The following SMAD6 variants were observed in gnomAD, a reference collection of about 807,000 sequenced individuals.
SMAD6 encodes the protein MAD homolog 6.
Under a neutral mutation model 39.4 loss-of-function variants are expected in SMAD6, and 103 were observed. The observed-to-expected ratio is 2.62, with a 90% CI of 2.23 to 3.08. SMAD6 has a LOEUF of 3.08. Among genes scored for constraint, SMAD6 ranks in the 30% most tolerant of loss-of-function variants. The pLI is 0.00. For missense variants in SMAD6, 1,104 were observed against 742.9 expected (o/e 1.49, Z -5.65); for synonymous variants, 445 against 353.3 (o/e 1.26, Z -2.91).
At chr15:66,728,494 C>T (rs1893564021) in intron 3 of SMAD6, among the ~76,000 whole-genome samples, 1 of 151,864 alleles carries the variant, frequency 6.6e-6, no homozygotes, top group Non-Finnish European at 1.5e-5. Flanking sequence ...GCAACCTCTG[C>T]CTCCCAGGTT....
intron 3 of SMAD6, among the ~76,000 whole-genome samples, chr15:66,720,629 T>A (rs1893416142): frequency 6.6e-6 from 1 of 152,218 alleles, no homozygotes; most frequent in Non-Finnish European, 1.5e-5. Flanking sequence ...AAGCATCCTG[T>A]CCCTCCATTT....
intron 3 of SMAD6, among the ~76,000 whole-genome samples, chr15:66,731,847 G>A (rs535386847): frequency 2.6e-5 from 4 of 152,074 alleles, no homozygotes; most frequent in Admixed American, 6.5e-5. Context: ...CAGTATATGA[G>A]AATTCTAGTT....
At chr15:66,763,174 A>G (rs546030616) in intron 3 of SMAD6, among the ~76,000 whole-genome samples, 149 of 152,326 alleles carry the variant, frequency 9.8e-4, no homozygotes, top group African/African-American at 3.5e-3. Flanking sequence ...GTGGAGGGGA[A>G]AAGAGCAATC....
chr15:66,703,418 G>A lies in SMAD6; in HGVS notation c.160G>A (p.Gly54Ser). The change falls in exon 1 of 4, where the codon GGC becomes AGC. Residue 54 changes from glycine (G) to serine (S), a missense_variant. Gly to Ser is a moderately conservative substitution (Grantham distance 56). Transcript: ENST00000288840. ...EPAPRAREGG[G>S]CGRSEVRPVA... is the part of the protein sequence containing the mutation. ...GGCCCCGCGGGCAAGAGAGGGCGGA[G>A]GCTGCGGCCGCTCCGAAGTCCGCCC... 7.6e-7 allele frequency: 1 copy of A among 1,318,550 alleles called. No individual in the cohort carries two copies. Among genetic ancestry groups the A allele is most frequent in the Non-Finnish European group, 9.7e-7 (1 of 1,032,112 alleles). 81.7% of individuals were successfully genotyped at this position (1,318,550 alleles called of 1,614,324 possible).
intron 3 of SMAD6, among the ~76,000 whole-genome samples, chr15:66,752,621 CA>C (rs913510098): frequency 7.5e-5 from 11 of 147,304 alleles, no homozygotes; most frequent in East Asian, 2.0e-4. Flanking sequence ...CCTGTCTCTA[CA>C]AAAAAAAAAT....
At chr15:66,763,621 C>T (rs1435436057) in intron 3 of SMAD6, among the ~76,000 whole-genome samples, 1 of 152,260 alleles carries the variant, frequency 6.6e-6, no homozygotes, top group African/African-American at 2.4e-5. Context: ...CCACTCCACA[C>T]TCCCCAGCTT....
intron 3 of SMAD6, among the ~76,000 whole-genome samples, chr15:66,726,888 C>T (rs1893530488): frequency 6.6e-6 from 1 of 151,300 alleles, no homozygotes; most frequent in Non-Finnish European, 1.5e-5. Flanking sequence ...TTTTTAAATT[C>T]CCCAGGTGAC....
intron 3 of SMAD6, among the ~76,000 whole-genome samples, chr15:66,724,854 T>C (rs547999226): frequency 2.0e-4 from 30 of 152,208 alleles, no homozygotes; most frequent in Non-Finnish European, 3.8e-4. Context: ...GTCGGGTGCC[T>C]GTCCAGGGCT....
At chr15:66,742,256 C>T (rs142013464) in intron 3 of SMAD6, among the ~76,000 whole-genome samples, 2 of 152,322 alleles carry the variant, frequency 1.3e-5, no homozygotes, top group East Asian at 3.9e-4. Flanking sequence ...TGGGAGTCAG[C>T]ATCCCCTCAC....
chr15:66,758,609 T>C (rs1253330443), intron 3 of SMAD6, among the ~76,000 whole-genome samples: 1 of 151,934 alleles, frequency 6.6e-6, no homozygotes, highest in Non-Finnish European at 1.5e-5. Context: ...GCATGTATAG[T>C]CCCAGGTACT....
intron 1 of SMAD6, chr15:66,704,409 G>A (rs899017210): frequency 3.0e-5 from 7 of 229,988 alleles, no homozygotes; most frequent in African/African-American, 9.0e-5. Flanking sequence ...AAAGAAGTAG[G>A]TGCTATTTCC....
At chr15:66,732,257 C>A (rs902443995) in intron 3 of SMAD6, among the ~76,000 whole-genome samples, 2 of 152,106 alleles carry the variant, frequency 1.3e-5, no homozygotes, top group African/African-American at 4.8e-5. Context: ...TTTTAAATCA[C>A]CTTCCTAATG....
At chr15:66,770,336 A>G (rs562523154) in intron 3 of SMAD6, among the ~76,000 whole-genome samples, 16 of 152,268 alleles carry the variant, frequency 1.1e-4, no homozygotes, top group Admixed American at 7.8e-4. Context: ...AGCCTGATGT[A>G]AGAACCGGCG....
rs1893025235 is a variant in SMAD6, at chr15:66,703,475, G to A, written c.217G>A (p.Gly73Arg). ...VAPRRPRDAV[G>R]QRGAQGAGRR... ...CCCGCGGCGGCCCCGGGACGCAGTG[G>A]GACAGCGAGGCGCCCAGGGCGCGGG... is the stretch of plus-strand genomic sequence containing the variant. The change falls in exon 1 of 4, where the codon GGA becomes AGA. Residue 73 changes from glycine to arginine, a missense_variant. Transcript: ENST00000288840. 1 of 1,240,886 alleles carries A rather than the reference G, an allele frequency of 8.1e-7. No individual in the cohort carries two copies. Among genetic ancestry groups the A allele is most frequent in the Non-Finnish European group, 1.0e-6 (1 of 988,360 alleles). The allele number at this position is 1,240,886 out of a possible 1,614,324, so 76.9% of individuals were successfully genotyped here.
chr15:66,759,507 T>A (rs556655049), intron 3 of SMAD6, among the ~76,000 whole-genome samples: 1 of 152,360 alleles, frequency 6.6e-6, no homozygotes, highest in South Asian at 2.1e-4. Context: ...GTACCCAGTA[T>A]GTATGGGCAC....
At chr15:66,710,345 A>G (rs554767028) in intron 1 of SMAD6, among the ~76,000 whole-genome samples, 1 of 152,334 alleles carries the variant, frequency 6.6e-6, no homozygotes, top group South Asian at 2.1e-4. Context: ...CGTCTCTCTC[A>G]GTGGCTACTC....
chr15:66,776,097 T>C (rs1404038161), intron 3 of SMAD6, among the ~76,000 whole-genome samples: 1 of 152,232 alleles, frequency 6.6e-6, no homozygotes, highest in Non-Finnish European at 1.5e-5. Flanking sequence ...TTCAGACATT[T>C]GTTGCTTCAT....
intron 3 of SMAD6, chr15:66,717,414 A>G (rs1893351220): frequency 2.2e-6 from 1 of 455,874 alleles, no homozygotes; most frequent in African/African-American, 2.0e-5. Flanking sequence ...TGGCCGCTTT[A>G]TATGCATTCT....
In SMAD6 at chr15:66,781,513, T is replaced by G; in HGVS notation, c.1469T>G (p.Ile490Ser). ...ACCTCCTGCCCCTGCTGGCTGGAGATCCTCCTCAACAACCCCAGATAGTGG... is the reference window on the plus strand; with the variant it reads ...ACCTCCTGCCCCTGCTGGCTGGAGAGCCTCCTCAACAACCCCAGATAGTGG... ...FITSCPCWLE[I>S]LLNNPR The change falls in exon 4 of 4, where the codon ATC becomes AGC. Residue 490 changes from isoleucine (I) to serine (S), a missense_variant. By Grantham distance (142) the Ile-to-Ser change is moderately radical. Transcript: ENST00000288840. The G allele has an allele frequency of 2.6e-6, 4 of 1,523,710 alleles. No individual in the cohort carries two copies. Among genetic ancestry groups the G allele is most frequent in the Non-Finnish European group, 3.5e-6 (4 of 1,136,720 alleles). 94.4% of individuals were successfully genotyped at this position (1,523,710 alleles called of 1,614,324 possible). A position where few individuals can be genotyped will look rare whatever the true frequency, so the allele number is the denominator to read the frequency against.
Sources: allele counts gnomAD v4.1 joint callset (sites outside exome capture counted in the v4.1 genomes callset), GRCh38; gene constraint gnomAD v4.1.1; transcripts MANE v1.5; gene names NCBI Gene and HGNC (gene_info 2026-07-23, HGNC 2026-07-21).